Variants in JMJD1C observed in about 807,000 individuals in gnomAD.
JMJD1C encodes jumonji domain containing 1C, also known as jumonji domain-containing protein 1C.
Under a neutral mutation model 245.3 loss-of-function variants are expected in JMJD1C, and 31 were observed. The ratio of observed to expected loss-of-function variants is 0.13; its 90% confidence interval spans 0.09 to 0.17. The LOEUF (loss-of-function observed/expected upper bound fraction) is 0.17. JMJD1C is among the 10% of genes least tolerant of loss of function. JMJD1C has a pLI of 1.00. For missense variants in JMJD1C, 2,691 were observed against 3,000.2 expected (o/e 0.90, Z 2.41); for synonymous variants, 1,057 against 1,017.4 (o/e 1.04, Z -0.74).
chr10:63,507,243 G>A lies in JMJD1C; in HGVS notation n.113+14495C>T, dbSNP rs913187905. Reference sequence around the variant, plus strand: ...TAAACATTTGCGTGCAGGTTTTTGCGTGAACATATTTCAATTCATTTGGGA... The same window carrying A: ...TAAACATTTGCGTGCAGGTTTTTGCATGAACATATTTCAATTCATTTGGGA... On this transcript the variant is annotated intron_variant and non_coding_transcript_variant, in intron 1 of 3. Coordinates refer to the JMJD1C transcript ENST00000633035. 3.0e-4 allele frequency among the ~76,000 whole-genome samples: 46 copies of A among 152,162 alleles called. 1 individual carries two copies. Among genetic ancestry groups the A allele is most frequent in the Non-Finnish European group, 1.3e-4 (9 of 68,032 alleles).
chr10:63,218,803 CA>C (rs763155035), intron 4 of JMJD1C, among the ~76,000 whole-genome samples: 1 of 152,140 alleles, frequency 6.6e-6, no homozygotes, highest in Non-Finnish European at 1.5e-5. Context: ...CAAATAATCA[CA>C]ATGTGTGGAC....
At chr10:63,414,728 C>T (rs776599310) in intron 1 of JMJD1C, among the ~76,000 whole-genome samples, 3 of 151,686 alleles carry the variant, frequency 2.0e-5, no homozygotes, top group Non-Finnish European at 2.9e-5. Flanking sequence ...TCTTTCTTTG[C>T]TAAAAATAAC....
chr10:63,437,736 T>C (rs555820650), intron 1 of JMJD1C, among the ~76,000 whole-genome samples: 1 of 152,340 alleles, frequency 6.6e-6, no homozygotes, highest in South Asian at 2.1e-4. Flanking sequence ...GTTCCCACTA[T>C]TACACTGAAA....
intron 1 of JMJD1C, among the ~76,000 whole-genome samples, chr10:63,402,674 A>G (rs1948938489): frequency 6.6e-6 from 1 of 152,182 alleles, no homozygotes; most frequent in Non-Finnish European, 1.5e-5. Context: ...TGTAACTACA[A>G]CCATATAATA....
intron 10 of JMJD1C, among the ~76,000 whole-genome samples, chr10:63,202,012 T>C (rs1278811375): frequency 1.3e-5 from 2 of 151,736 alleles, no homozygotes; most frequent in Non-Finnish European, 2.9e-5. Flanking sequence ...CCCAGAACTT[T>C]AGGAGGCTGA....
Position 63,221,836 on chromosome 10 carries a change from C to T in JMJD1C, c.448-1853G>A, listed in dbSNP as rs560498545. Among the ~76,000 whole-genome samples the T allele has an allele frequency of 3.3e-5, 5 of 152,308 alleles. No individual in the cohort carries two copies. The East Asian group carries it at 9.7e-4, about 29-fold the overall frequency. On this transcript the variant is annotated intron_variant, in intron 3 of 25. Coordinates refer to ENST00000399262, the MANE Select transcript of JMJD1C (RefSeq NM_032776.3). The stretch of plus-strand genomic sequence containing the variant: ...TCCCAGGTTCAAGCAATTCTCCTGT[C>T]TCAGCCTCCTGAGTAGCTGGGGTTA...
intron 1 of JMJD1C, among the ~76,000 whole-genome samples, chr10:63,420,076 C>A (rs1950033410): frequency 6.6e-6 from 1 of 151,048 alleles, no homozygotes; most frequent in South Asian, 2.1e-4. Context: ...GCAGAAGCTG[C>A]AGTGAGCCGA....
chr10:63,183,478 T>C lies in JMJD1C; in HGVS notation c.7053A>G (p.Ile2351Met), dbSNP rs1434977111. The C allele has an allele frequency of 1.2e-6, 2 of 1,607,172 alleles. No individual in the cohort carries two copies. Among genetic ancestry groups the C allele is most frequent in the African/African-American group, 1.3e-5 (1 of 74,654 alleles). The change falls in exon 22 of 26, where the codon ATA becomes ATG. Residue 2351 changes from isoleucine (I) to methionine (M), a missense_variant. Physicochemically the swap from Ile to Met is conservative, Grantham distance 10. This residue lies in a region of JMJD1C where 232 missense variants were observed against 416.1 expected (regional missense o/e 0.56). Coordinates refer to ENST00000399262, the MANE Select transcript of JMJD1C (RefSeq NM_032776.3). ...TTGAGAGAATGCCATTTCCTTTTGC[T>C]ATGCCAACATAAACTAGTATATTTA... ...DVVNILVYVGIAKGNGILSKA... is the reference protein window; with the variant it reads ...DVVNILVYVGMAKGNGILSKA...
Position 63,235,676 on chromosome 10 carries a change from T to C in JMJD1C, c.448-15693A>G, listed in dbSNP as rs186301339. Among the ~76,000 whole-genome samples, 6 of 152,280 alleles carry C rather than the reference T, an allele frequency of 3.9e-5. No homozygotes were observed. In the East Asian group the frequency reaches 1.2e-3, roughly 29 times the overall value. On this transcript the variant is annotated intron_variant, in intron 3 of 25. Coordinates refer to ENST00000399262, the MANE Select transcript of JMJD1C (RefSeq NM_032776.3). ...GCACTTTCACAAAGATTAACCTCAT[T>C]TAATCCTAACAATACCTCTGCTATT... is the stretch of plus-strand genomic sequence containing the variant.
chr10:63,312,403 C>T (rs913052725), intron 2 of JMJD1C, among the ~76,000 whole-genome samples: 14 of 152,054 alleles, frequency 9.2e-5, no homozygotes, highest in African/African-American at 2.4e-4. Flanking sequence ...CCACCATGCC[C>T]GGTTGACTAG....
chr10:63,423,956 T>A (rs2132767228), intron 1 of JMJD1C, among the ~76,000 whole-genome samples: 1 of 152,370 alleles, frequency 6.6e-6, no homozygotes, highest in East Asian at 1.9e-4. Flanking sequence ...CAATTTCTAT[T>A]CAAGCCCTTT....
chr10:63,349,788 A>G (rs1944191699), intron 2 of JMJD1C, among the ~76,000 whole-genome samples: 1 of 152,208 alleles, frequency 6.6e-6, no homozygotes, highest in Non-Finnish European at 1.5e-5. Flanking sequence ...CTACACAGTT[A>G]GGTATAGATA....
At chr10:63,451,489 GA>G (rs1223597769) in intron 1 of JMJD1C, among the ~76,000 whole-genome samples, 3 of 151,672 alleles carry the variant, frequency 2.0e-5, no homozygotes, top group African/African-American at 7.3e-5. Flanking sequence ...AAAATATTCA[GA>G]AAAAAATTTA....
chr10:63,390,516 A>G (rs1947971398), intron 1 of JMJD1C, among the ~76,000 whole-genome samples: 3 of 152,180 alleles, frequency 2.0e-5, no homozygotes, highest in Non-Finnish European at 2.9e-5. Flanking sequence ...ATTCTTCCTA[A>G]TTTATTCTAA....
intron 2 of JMJD1C, among the ~76,000 whole-genome samples, chr10:63,366,979 G>A (rs1945893357): frequency 6.6e-6 from 1 of 152,140 alleles, no homozygotes; most frequent in South Asian, 2.1e-4. Context: ...ACTGCCATAT[G>A]TAAAAGTCTT....
intron 2 of JMJD1C, among the ~76,000 whole-genome samples, chr10:63,302,827 C>T (rs1238759744): frequency 1.3e-5 from 2 of 152,174 alleles, no homozygotes; most frequent in African/African-American, 2.4e-5. Flanking sequence ...ATTCAAGTCA[C>T]AATCAAATAA....
At chr10:63,476,343 C>T (rs1953660917) in intron 1 of JMJD1C, among the ~76,000 whole-genome samples, 1 of 151,720 alleles carries the variant, frequency 6.6e-6, no homozygotes, top group African/African-American at 2.4e-5. Context: ...AAGACTAATT[C>T]AACCCTCCAC....
At chr10:63,392,088 T>C (rs1200656953) in intron 1 of JMJD1C, among the ~76,000 whole-genome samples, 1 of 152,172 alleles carries the variant, frequency 6.6e-6, no homozygotes, top group Non-Finnish European at 1.5e-5. Flanking sequence ...AACAGATTTT[T>C]CACTAAGGTT....
intron 2 of JMJD1C, among the ~76,000 whole-genome samples, chr10:63,314,960 T>TG (rs1311908148): frequency 6.7e-6 from 1 of 148,626 alleles, no homozygotes; most frequent in African/African-American, 2.5e-5. Context: ...TTTTTTGTTT[T>TG]TTTTTTTTTT....
Sources: allele counts gnomAD v4.1 joint callset (sites outside exome capture counted in the v4.1 genomes callset), GRCh38; gene constraint gnomAD v4.1.1; regional missense constraint gnomAD v4.1.1; transcripts MANE v1.5; gene names NCBI Gene and HGNC (gene_info 2026-07-23, HGNC 2026-07-21).